CFH: variants seen among roughly 807,000 people sequenced by gnomAD.
CFH encodes complement factor H.
A neutral mutation model predicts 147.3 loss-of-function variants in CFH; 53 were observed. The ratio of observed to expected loss-of-function variants is 0.36; its 90% CI spans 0.29 to 0.45. The LOEUF (loss-of-function observed/expected upper bound fraction) is 0.45, where lower values mean the gene tolerates loss of function less well. Ranked by LOEUF, CFH falls within the 20% of genes least tolerant of loss-of-function variation. CFH has a pLI of 1.00. For synonymous variants in CFH, 536 were observed against 489.4 expected, an observed-to-expected ratio of 1.10 and a Z score of -1.26; for missense variants, 1,380 against 1,498.0, an observed-to-expected ratio of 0.92 and a Z score of 1.30.
chr1:196,700,916 A>G, intron 9 of CFH: 1 of 943,234 alleles, frequency 1.1e-6, no homozygotes, highest in South Asian at 4.9e-5. Context: ...TTCTCAGAGC[A>G]GCTGGCACCC....
At chr1:196,699,125 A>G (rs1028636747) in intron 9 of CFH, among the ~76,000 whole-genome samples, 6 of 152,140 alleles carry the variant, frequency 3.9e-5, no homozygotes, top group Non-Finnish European at 8.8e-5. Context: ...TTTTTATAAG[A>G]AATAGACAAA....
chr1:196,719,689 ATGT>A (rs1668954191), intron 11 of CFH, among the ~76,000 whole-genome samples: 1 of 151,708 alleles, frequency 6.6e-6, no homozygotes, highest in South Asian at 2.1e-4. Context: ...ATATTTAGTA[ATGT>A]TGCTGATTTT....
chr1:196,701,239 A>G, intron 9 of CFH: 1 of 1,600,892 alleles, frequency 6.2e-7, no homozygotes, highest in Non-Finnish European at 8.6e-7. Context: ...AGTCACATTC[A>G]GTTAGTCCTG....
chr1:196,747,192 G>A lies in CFH; in HGVS notation c.3575G>A (p.Arg1192Lys). The A allele has an allele frequency of 6.2e-7, 1 of 1,613,840 alleles. No homozygotes were observed. The highest frequency in any genetic ancestry group is 8.5e-7 in the Non-Finnish European group (1 of 1,179,862). Residue 1192 changes from arginine to lysine, a missense_variant, in exon 22 of 22, where the codon AGA becomes AAA. Arg to Lys is a conservative substitution (Grantham distance 26). This residue lies in a region of CFH where 123 missense variants were observed against 185.3 expected (regional missense o/e 0.66). Transcript: ENST00000367429. The stretch of plus-strand genomic sequence containing the variant: ...ACAGCCAAACAGAAGCTTTATTCGA[G>A]AACAGGTGAATCAGTTGAATTTGTG... ...RWTAKQKLYS[R>K]TGESVEFVCK...
At position 196,746,129 on chromosome 1, in the gene CFH, G is replaced by T. The variant is rs563025168; in HGVS notation, c.3493+130G>T. The T allele has an allele frequency of 1.8e-5, 28 of 1,536,712 alleles. No individual in the cohort carries two copies. The East Asian group carries it at 4.9e-4, about 27-fold the overall frequency. On this transcript the variant is annotated intron_variant, in intron 21 of 21. Transcript: ENST00000367429. ...GAATGCTTGCCTACCAAATATTTCT[G>T]TCAGAAAGTAAAGTTTAGAAATTTT...
At chr1:196,728,860 C>T (rs757825281) in intron 15 of CFH, among the ~76,000 whole-genome samples, 1 of 151,892 alleles carries the variant, frequency 6.6e-6, no homozygotes, top group Non-Finnish European at 1.5e-5. Context: ...CTGTCTATGC[C>T]AATAACTACT....
rs491480 is a variant in CFH at position 196,746,173 on chromosome 1, C to T, written c.3493+174C>T. On this transcript the variant is annotated intron_variant, in intron 21 of 21. Transcript: ENST00000367429. Reference sequence around the variant, plus strand: ...AAATTTTTCTCTTTAGGGCTGGGTGCGGTGGCTCACACCTGTAATCCCAGC... The same window carrying T: ...AAATTTTTCTCTTTAGGGCTGGGTGTGGTGGCTCACACCTGTAATCCCAGC... Among the ~76,000 whole-genome samples the T allele has an allele frequency of 0.041, 6,198 of 152,090 alleles. 394 individuals are homozygous for T. Among genetic ancestry groups the T allele is most frequent in the African/African-American group, 0.14 (5,635 of 41,460 alleles).
chr1:196,695,548 T>C (rs923658280), intron 9 of CFH, among the ~76,000 whole-genome samples: 3 of 151,668 alleles, frequency 2.0e-5, no homozygotes, highest in African/African-American at 7.3e-5. Context: ...TGAAGAAAGA[T>C]AATGATAGCT....
intron 20 of CFH, 124 bp downstream of exon 20, chr1:196,743,752 T>C (rs1237873750): frequency 7.3e-7 from 1 of 1,373,964 alleles, no homozygotes; most frequent in African/African-American, 1.4e-5. Context: ...TGACTGATGG[T>C]GCTTAAAATT....
intron 15 of CFH, among the ~76,000 whole-genome samples, chr1:196,731,155 C>A (rs1669271520): frequency 6.9e-6 from 1 of 145,582 alleles, no homozygotes; most frequent in Non-Finnish European, 1.5e-5. Flanking sequence ...TTGTTTCTTT[C>A]TTGCTTGCTT....
At chr1:196,697,668 G>A (rs1451680671) in intron 9 of CFH, among the ~76,000 whole-genome samples, 1 of 151,996 alleles carries the variant, frequency 6.6e-6, no homozygotes, top group Non-Finnish European at 1.5e-5. Context: ...TATACACAAA[G>A]GATTATAAAT....
At chr1:196,685,287 T>G (rs1375677702) in intron 7 of CFH, 50 bp downstream of exon 7, 16 of 1,576,934 alleles carry the variant, frequency 1.0e-5, no homozygotes, top group Non-Finnish European at 1.0e-5. Flanking sequence ...AAATTTCTTT[T>G]AAACACATAA....
At chr1:196,729,121 G>A (rs772601183) in intron 15 of CFH, among the ~76,000 whole-genome samples, 2 of 151,872 alleles carry the variant, frequency 1.3e-5, no homozygotes, top group Non-Finnish European at 1.5e-5. Flanking sequence ...CTATCCAATT[G>A]TGGGTTTCCT....
At chr1:196,690,880 C>CT (rs887487185) in intron 9 of CFH, among the ~76,000 whole-genome samples, 6 of 152,200 alleles carry the variant, frequency 3.9e-5, no homozygotes, top group Admixed American at 1.3e-4. Flanking sequence ...TTGCTTTCTC[C>CT]TTACTGTACA....
chr1:196,679,461 T>C, intron 5 of CFH, 162 bp from the exon 6 acceptor site: 2 of 529,030 alleles, frequency 3.8e-6, no homozygotes, highest in South Asian at 2.5e-5. Context: ...TTTAACTTTC[T>C]TCAGATAAAT....
chr1:196,747,362 A>G lies in CFH; in HGVS notation c.*49A>G. 3 of 1,611,388 alleles carry G rather than the reference A, an allele frequency of 1.9e-6. No individual in the cohort carries two copies. The highest frequency in any genetic ancestry group is 2.5e-6 in the Non-Finnish European group (3 of 1,177,752). Reference sequence around the variant, plus strand: ...TTATTCAGAACTTTAGTATTAAATCAGTTCTCAATTTCATTTTTTATGTAT... The same window carrying G: ...TTATTCAGAACTTTAGTATTAAATCGGTTCTCAATTTCATTTTTTATGTAT... On this transcript the variant is annotated 3_prime_UTR_variant, in exon 22 of 22. Coordinates refer to ENST00000367429, the MANE Select transcript of CFH (RefSeq NM_000186.4).
chr1:196,713,092 C>T (rs1214354304), intron 9 of CFH, among the ~76,000 whole-genome samples: 4 of 151,904 alleles, frequency 2.6e-5, no homozygotes, highest in African/African-American at 4.8e-5. Context: ...TGCATGTAAC[C>T]GACAGTAATT....
intron 1 of CFH, among the ~76,000 whole-genome samples, chr1:196,668,186 T>C (rs960627081): frequency 6.6e-6 from 1 of 152,176 alleles, no homozygotes; most frequent in Non-Finnish European, 1.5e-5. Context: ...TCTTTGCTTA[T>C]ATTTTAGATC....
Position 196,685,240 on chromosome 1 carries a change from A to G in CFH, c.964+3A>G. 1.2e-6 allele frequency: 2 copies of G among 1,612,690 alleles called. No homozygotes were observed. The highest frequency in any genetic ancestry group is 1.7e-6 in the Non-Finnish European group (2 of 1,179,054). On this transcript the variant is annotated splice_donor_region_variant and intron_variant, in intron 7 of 21. Transcript: ENST00000367429. Reference sequence around the variant, plus strand: ...GATACCTGCTCCGAGATGTACCTGTAAGTTCCATTCATATCTTGACCCATT... The same window carrying G: ...GATACCTGCTCCGAGATGTACCTGTGAGTTCCATTCATATCTTGACCCATT...
Sources: gnomAD v4.1 joint callset for allele counts (sites outside exome capture counted in the v4.1 genomes callset) on GRCh38, gnomAD v4.1.1 for gene constraint, gnomAD v4.1.1 regional missense constraint, MANE v1.5 for transcripts, NCBI Gene and HGNC (gene_info 2026-07-23, HGNC 2026-07-21) for gene names.